DLC1: variants seen among roughly 807,000 people sequenced by gnomAD.
The protein encoded by DLC1 is DLC1 Rho GTPase activating protein.
Under a neutral mutation model 140.3 loss-of-function variants are expected in DLC1, and 54 were observed. The ratio of observed to expected loss-of-function variants is 0.38; its 90% CI spans 0.31 to 0.48. The LOEUF (loss-of-function observed/expected upper bound fraction) is 0.48, where lower values mean the gene tolerates loss of function less well. DLC1 is among the 20% of genes least tolerant of loss of function. The pLI, the probability that DLC1 is intolerant of heterozygous loss-of-function variation, is 0.96. For missense variants in DLC1, 2,536 were observed against 1,907.0 expected, an observed-to-expected ratio of 1.33 and a Z score of -6.14; for synonymous variants, 986 against 728.1, an observed-to-expected ratio of 1.35 and a Z score of -5.70.
At chr8:13,276,459 C>A in intron 5 of DLC1, 1 of 1,371,112 alleles carries the variant, frequency 7.3e-7, no homozygotes. Flanking sequence ...GGTACTCCGC[C>A]CCGCGCTGTG....
At chr8:13,487,084 A>G (rs35419670) in intron 2 of DLC1, among the ~76,000 whole-genome samples, 109,656 of 152,002 alleles carry the variant, frequency 0.72, 41,665 homozygotes, top group Middle Eastern at 0.88. Flanking sequence ...GGAAATGTGG[A>G]ATCAGAGCAC....
intron 5 of DLC1, among the ~76,000 whole-genome samples, chr8:13,288,526 C>G (rs1831624436): frequency 6.6e-6 from 1 of 152,216 alleles, no homozygotes. Context: ...AGAAATGCCT[C>G]AGATCTTCCT....
At chr8:13,601,083 C>T (rs370037084) in intron 1 of DLC1, among the ~76,000 whole-genome samples, 2 of 151,668 alleles carry the variant, frequency 1.3e-5, no homozygotes, top group Non-Finnish European at 3.0e-5. Context: ...ATATAAAGCC[C>T]TCCTAAAGAC....
intron 2 of DLC1, among the ~76,000 whole-genome samples, chr8:13,446,016 C>G (rs1384192452): frequency 1.3e-5 from 2 of 152,116 alleles, no homozygotes; most frequent in African/African-American, 4.8e-5. Context: ...AAATAGTGAT[C>G]AGCTCACGGG....
intron 2 of DLC1, among the ~76,000 whole-genome samples, chr8:13,470,633 C>T (rs921235446): frequency 6.6e-6 from 1 of 152,144 alleles, no homozygotes; most frequent in African/African-American, 2.4e-5. Context: ...GAAAAGGAAA[C>T]TTTTGTACAC....
intron 1 of DLC1, among the ~76,000 whole-genome samples, chr8:13,592,520 T>C (rs1048099753): frequency 6.6e-6 from 1 of 152,162 alleles, no homozygotes. Flanking sequence ...TTGACCAATA[T>C]ATTTCTATTT....
At chr8:13,163,750 GT>G (rs1305495581) in intron 5 of DLC1, among the ~76,000 whole-genome samples, 5 of 152,114 alleles carry the variant, frequency 3.3e-5, no homozygotes, top group African/African-American at 1.2e-4. Context: ...GGAGGCTGAG[GT>G]GGGAGGATAG....
intron 4 of DLC1, among the ~76,000 whole-genome samples, chr8:13,332,479 G>A (rs919745875): frequency 6.7e-6 from 1 of 150,326 alleles, no homozygotes; most frequent in Non-Finnish European, 1.5e-5. Context: ...TGCCCAGACT[G>A]GAGTGCAGTG....
chr8:13,336,682 C>T (rs77577801), intron 4 of DLC1, among the ~76,000 whole-genome samples: 4,863 of 152,130 alleles, frequency 0.032, 275 homozygotes, highest in African/African-American at 0.11. Context: ...TTCAACCTCC[C>T]CTTCTTTATC....
rs140724566 is a variant in DLC1 at position 13,591,649 on chromosome 8, C to T, written c.-126+12888G>A. Among the ~76,000 whole-genome samples the T allele has an allele frequency of 7.4e-4, 113 of 151,750 alleles. 1 individual carries two copies. The highest frequency in any genetic ancestry group is 2.5e-3 in the African/African-American group (103 of 41,400). ...TTAGGAGTGTTTTTTTTTCTTTAATCTAGGCAAACAATGATGTTGGCTTGG... is the reference window on the plus strand; with the variant it reads ...TTAGGAGTGTTTTTTTTTCTTTAATTTAGGCAAACAATGATGTTGGCTTGG... On this transcript the variant is annotated intron_variant, in intron 1 of 1. Coordinates refer to the DLC1 transcript ENST00000631382.
At position 13,175,488 on chromosome 8, in the gene DLC1, A is replaced by C. The variant is rs1019297380; in HGVS notation, c.1349-59831T>G. On this transcript the variant is annotated intron_variant, in intron 5 of 17. Transcript: ENST00000276297. ...ATTGCAGATAGATGTTTAAGTGCTC[A>C]TTTTCAACTTTTAACCGTCTGTCTG... Among the ~76,000 whole-genome samples, 3 of 151,874 alleles carry C rather than the reference A, an allele frequency of 2.0e-5. No individual in the cohort carries two copies. In the East Asian group the frequency reaches 5.8e-4, roughly 29 times the overall value.
At chr8:13,567,964 T>C (rs1274603413) in intron 1 of DLC1, 3 of 1,518,150 alleles carry the variant, frequency 2.0e-6, no homozygotes, top group African/African-American at 1.4e-5. Flanking sequence ...TGGATAGATG[T>C]CTTTGTTGTG....
chr8:13,450,056 A>G (rs985593654), intron 2 of DLC1, among the ~76,000 whole-genome samples: 1 of 152,114 alleles, frequency 6.6e-6, no homozygotes, highest in African/African-American at 2.4e-5. Context: ...TTAGCTCCTT[A>G]TTTAGTAAAA....
At chr8:13,302,002 G>A in intron 5 of DLC1, among the ~76,000 whole-genome samples, 1 of 152,198 alleles carries the variant, frequency 6.6e-6, no homozygotes, top group East Asian at 1.9e-4. Context: ...CATGATGGAA[G>A]TTATATGAAA....
chr8:13,353,668 C>A (rs1834782719), intron 4 of DLC1: 1 of 152,038 alleles, frequency 6.6e-6, no homozygotes, highest in African/African-American at 2.4e-5. Context: ...ACCAGCCTGG[C>A]CAACATGGTG....
At chr8:13,437,019 A>T (rs998478129) in intron 2 of DLC1, among the ~76,000 whole-genome samples, 36 of 152,254 alleles carry the variant, frequency 2.4e-4, no homozygotes, top group African/African-American at 6.0e-4. Context: ...TGTACCCTAA[A>T]ACATTAAAAT....
chr8:13,224,823 C>G (rs1430589653), intron 5 of DLC1, among the ~76,000 whole-genome samples: 1 of 152,176 alleles, frequency 6.6e-6, no homozygotes, highest in Non-Finnish European at 1.5e-5. Context: ...ACTCCTCCCA[C>G]AAAGGCCAAG....
intron 1 of DLC1, among the ~76,000 whole-genome samples, chr8:13,523,745 GGA>G (rs1410350093): frequency 4.6e-5 from 7 of 152,082 alleles, no homozygotes; most frequent in African/African-American, 1.7e-4. Flanking sequence ...AGCCAAGATT[GGA>G]GACACAAATA....
chr8:13,244,360 C>T (rs536805031), intron 5 of DLC1, among the ~76,000 whole-genome samples: 3 of 148,934 alleles, frequency 2.0e-5, no homozygotes, highest in South Asian at 2.1e-4. Context: ...TGCAGTGGTG[C>T]GATCATAGTT....
Sources: allele counts gnomAD v4.1 joint callset (sites outside exome capture counted in the v4.1 genomes callset), GRCh38; gene constraint gnomAD v4.1.1; transcripts MANE v1.5; gene names NCBI Gene and HGNC (gene_info 2026-07-23, HGNC 2026-07-21).